The following CPSF4 variants were observed in gnomAD, a reference collection of about 807,000 sequenced individuals.
The protein encoded by CPSF4 is cleavage and polyadenylation specific factor 4, also known as cleavage and polyadenylation specificity factor subunit 4.
Under a neutral mutation model 37.7 loss-of-function variants are expected in CPSF4, and 11 were observed. The ratio of observed to expected loss-of-function variants is 0.29; its 90% CI spans 0.18 to 0.48. The LOEUF (loss-of-function observed/expected upper bound fraction) is 0.48. CPSF4 is among the 20% of genes least tolerant of loss of function. The pLI is 0.99. For synonymous variants in CPSF4, 132 were observed against 135.9 expected, an observed-to-expected ratio of 0.97 and a Z score of 0.20; for missense variants, 144 against 359.5, an observed-to-expected ratio of 0.40 and a Z score of 4.85.
chr7:99,442,843 T>C, intron 1 of CPSF4: 2 of 974,658 alleles, frequency 2.1e-6, no homozygotes, highest in East Asian at 2.4e-5. Context: ...ATGAGAGAAG[T>C]GGAAAACACT....
chr7:99,454,970 G>T (rs1308629460), intron 7 of CPSF4, among the ~76,000 whole-genome samples: 10 of 151,902 alleles, frequency 6.6e-5, no homozygotes, highest in African/African-American at 2.2e-4. Context: ...TGGGAGGATT[G>T]CTTGGGCCCA....
intron 1 of CPSF4, 50 bp from the exon 2 acceptor site, chr7:99,444,739 A>G (rs370789330): frequency 6.8e-5 from 106 of 1,560,502 alleles, no homozygotes; most frequent in Non-Finnish European, 8.7e-5. Context: ...GACATTGTCA[A>G]TAGCAAATTG....
At chr7:99,445,554 TTAA>T (rs111439536) in intron 2 of CPSF4, among the ~76,000 whole-genome samples, 9 of 152,328 alleles carry the variant, frequency 5.9e-5, no homozygotes, top group African/African-American at 1.9e-4. Context: ...CTGTGCTCTT[TTAA>T]TAATTGTATG....
intron 1 of CPSF4, among the ~76,000 whole-genome samples, chr7:99,441,971 C>T (rs1007529117): frequency 6.6e-6 from 1 of 152,160 alleles, no homozygotes; most frequent in African/African-American, 2.4e-5. Context: ...GGATTACAGA[C>T]GTGAGTCACC....
chr7:99,444,728 A>T, intron 1 of CPSF4, 61 bp from the exon 2 acceptor site: 2 of 1,508,816 alleles, frequency 1.3e-6, no homozygotes, highest in Non-Finnish European at 1.8e-6. Context: ...CACTGTCTTC[A>T]GACATTGTCA....
intron 1 of CPSF4, among the ~76,000 whole-genome samples, chr7:99,440,837 C>T (rs114277544): frequency 0.013 from 1,939 of 150,882 alleles, 39 homozygotes; most frequent in African/African-American, 0.045. Flanking sequence ...CAAACACCAT[C>T]ACCACTGTAC....
At chr7:99,444,899 C>G (rs1193614356) in intron 2 of CPSF4, 60 bp downstream of exon 2, 3 of 1,483,906 alleles carry the variant, frequency 2.0e-6, no homozygotes, top group South Asian at 2.3e-5. Flanking sequence ...TCCTTCTCCC[C>G]GGCAGACTTG....
At chr7:99,439,304 GGGACCCCTCCCCTTTGGTCGCA>G (rs1225277588) in intron 1 of CPSF4, 119 bp downstream of exon 1, 2 of 677,514 alleles carry the variant, frequency 3.0e-6, no homozygotes, top group Non-Finnish European at 4.8e-6. Flanking sequence ...TCTGGATCCT[GGGACCCCTCCCCTTTGGTCGCA>G]GGACTCCTCC....
intron 7 of CPSF4, among the ~76,000 whole-genome samples, chr7:99,455,429 G>A (rs752289008): frequency 2.8e-4 from 43 of 152,318 alleles, no homozygotes; most frequent in Non-Finnish European, 3.5e-4. Flanking sequence ...AGCTGGGTGC[G>A]GTGGCTCACG....
intron 1 of CPSF4, chr7:99,441,251 G>C (rs371414313): frequency 5.5e-6 from 2 of 365,694 alleles, no homozygotes; most frequent in East Asian, 1.5e-4. Context: ...GTGCCCAGCC[G>C]GCCTTTTCCT....
At chr7:99,447,746 T>G in intron 2 of CPSF4, 1 of 431,784 alleles carries the variant, frequency 2.3e-6, no homozygotes, top group South Asian at 1.6e-5. Flanking sequence ...CCAGCCACCA[T>G]GCGCGGCTAA....
intron 7 of CPSF4, 172 bp from the exon 8 acceptor site, chr7:99,456,260 C>T (rs944503454): frequency 2.5e-5 from 16 of 645,044 alleles, no homozygotes; most frequent in Non-Finnish European, 4.2e-5. Context: ...CCTGAGCTCC[C>T]TCACCCTCTA....
At chr7:99,443,077 A>G (rs1797165160) in intron 1 of CPSF4, 1 of 975,028 alleles carries the variant, frequency 1.0e-6, no homozygotes, top group African/African-American at 1.6e-5. Flanking sequence ...GGCTTATCCA[A>G]GTTAACCATA....
At chr7:99,446,295 A>T (rs1797486434) in intron 2 of CPSF4, among the ~76,000 whole-genome samples, 1 of 152,248 alleles carries the variant, frequency 6.6e-6, no homozygotes, top group African/African-American at 2.4e-5. Flanking sequence ...CTAATACAGT[A>T]GCCACTAGTC....
chr7:99,440,440 C>T (rs963653777), intron 1 of CPSF4, among the ~76,000 whole-genome samples: 2 of 151,858 alleles, frequency 1.3e-5, no homozygotes, highest in South Asian at 2.1e-4. Context: ...CCTCGACTTC[C>T]CAGGCTCCAG....
In CPSF4 at chr7:99,456,908, C is replaced by CA; in HGVS notation, c.*409dup. ...AGGTCATTCAAAGCTGTGGCCAGCT[C>CA]ACGCCTGCTTCCTCCCTCCCTGCCC... On this transcript the variant is annotated 3_prime_UTR_variant, in exon 8 of 8. Coordinates refer to ENST00000292476, the MANE Select transcript of CPSF4 (RefSeq NM_006693.4). 1 of 353,244 alleles carries CA rather than the reference C, an allele frequency of 2.8e-6. No homozygotes were observed. The highest frequency in any genetic ancestry group is 5.6e-6 in the Non-Finnish European group (1 of 179,356). The allele number at this position is 353,244 out of a possible 1,614,324, so 21.9% of individuals were successfully genotyped here.
intron 2 of CPSF4, among the ~76,000 whole-genome samples, chr7:99,447,095 A>C (rs144882492): frequency 3.5e-5 from 5 of 143,252 alleles, no homozygotes; most frequent in Middle Eastern, 3.4e-3. Flanking sequence ...CTGGTCCCCA[A>C]GCTTGCTTGG....
At chr7:99,445,278 G>A (rs1354010935) in intron 2 of CPSF4, among the ~76,000 whole-genome samples, 3 of 151,948 alleles carry the variant, frequency 2.0e-5, no homozygotes, top group Non-Finnish European at 2.9e-5. Flanking sequence ...TCTTGTTCTC[G>A]ATAACCAGCC....
At position 99,448,155 on chromosome 7, in the gene CPSF4, G is replaced by C; in HGVS notation, c.189G>C (p.Glu63Asp). Reference protein sequence around the residue: ...GMCPFRHISGEKTVVCKHWLR... With the variant: ...GMCPFRHISGDKTVVCKHWLR... ...GTCCGTTTCGCCACATCAGTGGTGA[G>C]AAGACAGTTGTGTGCAAACACTGGC... Residue 63 changes from glutamate to aspartate, a missense_variant, in exon 3 of 8, where the codon GAG becomes GAC. Transcript: ENST00000292476. This position sits in a 1 kb window ranked among gnomAD's most constrained non-coding sequence, Gnocchi z 4.4. 1 of 1,614,206 alleles carries C rather than the reference G, an allele frequency of 6.2e-7. No homozygotes were observed. The highest frequency in any genetic ancestry group is 8.5e-7 in the Non-Finnish European group (1 of 1,180,026).
Sources: gnomAD v4.1 joint callset for allele counts (sites outside exome capture counted in the v4.1 genomes callset) on GRCh38, gnomAD v4.1.1 for gene constraint, Gnocchi (gnomAD v3.1) non-coding constraint, MANE v1.5 for transcripts, NCBI Gene and HGNC (gene_info 2026-07-23, HGNC 2026-07-21) for gene names.